The following DSCAM variants were observed in gnomAD, a reference collection of about 807,000 sequenced individuals.
DSCAM encodes the protein cell adhesion molecule DSCAM.
A neutral mutation model predicts 217.7 loss-of-function variants in DSCAM; 47 were observed. That is an observed-to-expected ratio of 0.22 (90% CI 0.17 to 0.28). DSCAM has a LOEUF of 0.28. Among genes scored for constraint, DSCAM ranks in the 10% least tolerant of loss-of-function variants. The pLI is 1.00. For synonymous variants in DSCAM, 1,056 were observed against 1,015.3 expected (o/e 1.04, Z -0.76); for missense variants, 2,080 against 2,618.3 (o/e 0.79, Z 4.49).
chr21:40,268,266 G>T (rs2123353311), intron 11 of DSCAM, among the ~76,000 whole-genome samples: 1 of 152,290 alleles, frequency 6.6e-6, no homozygotes, highest in South Asian at 2.1e-4. Context: ...AACAATTCTT[G>T]ACACTAGGGA....
At chr21:40,677,461 C>CTGT (rs1408098553) in intron 3 of DSCAM, among the ~76,000 whole-genome samples, 1 of 152,090 alleles carries the variant, frequency 6.6e-6, no homozygotes, top group Non-Finnish European at 1.5e-5. Flanking sequence ...AAGGCCTGGA[C>CTGT]TGTTGCAGCT....
At chr21:40,712,258 A>G (rs2090788043) in intron 1 of DSCAM, among the ~76,000 whole-genome samples, 1 of 152,178 alleles carries the variant, frequency 6.6e-6, no homozygotes, top group Non-Finnish European at 1.5e-5. Flanking sequence ...AAACATACTC[A>G]TGTAAGAATC....
At chr21:40,207,209 GGATA>G (rs1475745526) in intron 11 of DSCAM, among the ~76,000 whole-genome samples, 2 of 152,014 alleles carry the variant, frequency 1.3e-5, no homozygotes, top group Non-Finnish European at 2.9e-5. Flanking sequence ...AAGTGAAAAA[GGATA>G]GAGAATTCAT....
intron 1 of DSCAM, among the ~76,000 whole-genome samples, chr21:40,744,394 C>T (rs2091154382): frequency 6.6e-6 from 1 of 152,060 alleles, no homozygotes; most frequent in Non-Finnish European, 1.5e-5. Context: ...GAATCTCTGG[C>T]CAGACTTCCC....
At chr21:40,341,637 G>C (rs769831786) in intron 6 of DSCAM, among the ~76,000 whole-genome samples, 1 of 152,150 alleles carries the variant, frequency 6.6e-6, no homozygotes, top group African/African-American at 2.4e-5. Flanking sequence ...TTCCTCTTAG[G>C]ATGTGCTGGT....
chr21:40,276,537 T>C (rs1010061264), intron 10 of DSCAM, among the ~76,000 whole-genome samples: 3 of 152,130 alleles, frequency 2.0e-5, no homozygotes, highest in African/African-American at 4.8e-5. Context: ...AAAAGCCAAA[T>C]TTGATGAGTG....
At chr21:40,191,180 A>G (rs2090949179) in intron 11 of DSCAM, among the ~76,000 whole-genome samples, 2 of 152,228 alleles carry the variant, frequency 1.3e-5, no homozygotes, top group South Asian at 4.2e-4. Context: ...CTTACTAGAG[A>G]GGTTTGAGAC....
chr21:40,498,698 G>GGGTGT lies in DSCAM; in HGVS notation c.509-129454_509-129453insACACC, dbSNP rs1491058408. On this transcript the variant is annotated intron_variant, in intron 3 of 32. Transcript: ENST00000400454. ...ATATATATATATATATATATATATAGATATATATATATGGGTGTATATATA... is the reference window on the plus strand; with the variant it reads ...ATATATATATATATATATATATATAGGGTGTATATATATATATGGGTGTATATATA... Among the ~76,000 whole-genome samples, 4 of 9,288 alleles carry GGGTGT rather than the reference G, an allele frequency of 4.3e-4. 1 individual carries two copies. The highest frequency in any genetic ancestry group is 4.9e-3 in the South Asian group (1 of 206). 6.1% of individuals were successfully genotyped at this position (9,288 alleles called of 152,430 possible). A position where few individuals can be genotyped will look rare whatever the true frequency, so the allele number is the denominator to read the frequency against.
intron 3 of DSCAM, among the ~76,000 whole-genome samples, chr21:40,508,000 A>T (rs995814624): frequency 6.6e-6 from 1 of 152,148 alleles, no homozygotes. Context: ...TACCTGTGGA[A>T]AAATGGGTAC....
intron 3 of DSCAM, among the ~76,000 whole-genome samples, chr21:40,637,981 G>T (rs1169330692): frequency 1.3e-5 from 2 of 151,688 alleles, no homozygotes; most frequent in Non-Finnish European, 2.9e-5. Flanking sequence ...ACCATGCCCG[G>T]CCCCCATTTT....
chr21:40,047,746 ACTCC>A (rs2088865051), intron 30 of DSCAM, among the ~76,000 whole-genome samples: 1 of 151,996 alleles, frequency 6.6e-6, no homozygotes, highest in Non-Finnish European at 1.5e-5. Context: ...AGATCTGAAC[ACTCC>A]CTCATGTAAC....
intron 3 of DSCAM, among the ~76,000 whole-genome samples, chr21:40,572,417 T>G (rs2076815292): frequency 6.6e-6 from 1 of 152,094 alleles, no homozygotes; most frequent in South Asian, 2.1e-4. Flanking sequence ...GTAAAATACT[T>G]AAATACAATT....
In DSCAM at chr21:40,254,764, C is replaced by T. The variant is rs118164215; in HGVS notation, c.2356+21333G>A. ...CTCCCCCTATGGCGTTGATCCCAAG[C>T]GCTTTCCAGCAGGTTTCCAGCACAC... On this transcript the variant is annotated intron_variant, in intron 11 of 32. Transcript: ENST00000400454. Among the ~76,000 whole-genome samples, 57 of 152,232 alleles carry T rather than the reference C, an allele frequency of 3.7e-4. No individual in the cohort carries two copies. The East Asian group carries it at 3.9e-3, about 10-fold the overall frequency.
intron 1 of DSCAM, among the ~76,000 whole-genome samples, chr21:40,735,111 T>C (rs193120825): frequency 3.5e-4 from 54 of 152,360 alleles, no homozygotes; most frequent in South Asian, 1.0e-3. Context: ...CCTGTACATA[T>C]ATGTTATTTG....
At chr21:40,246,227 G>A (rs2073221982) in intron 11 of DSCAM, among the ~76,000 whole-genome samples, 2 of 151,444 alleles carry the variant, frequency 1.3e-5, no homozygotes, top group African/African-American at 4.9e-5. Context: ...GAAAGAAGCA[G>A]AAAAGAGGCT....
chr21:40,504,545 A>G (rs1488002151), intron 3 of DSCAM, among the ~76,000 whole-genome samples: 2 of 152,246 alleles, frequency 1.3e-5, no homozygotes, highest in Admixed American at 1.3e-4. Context: ...GCATGGCATG[A>G]CACTCGTTTT....
chr21:40,058,153 T>TGA (rs2089058080), intron 28 of DSCAM, among the ~76,000 whole-genome samples: 1 of 152,246 alleles, frequency 6.6e-6, no homozygotes, highest in South Asian at 2.1e-4. Flanking sequence ...ATTACAGGTG[T>TGA]GAGCCACTGC....
At chr21:40,446,601 A>G (rs967181027) in intron 3 of DSCAM, among the ~76,000 whole-genome samples, 1 of 152,142 alleles carries the variant, frequency 6.6e-6, no homozygotes, top group Non-Finnish European at 1.5e-5. Context: ...CAAAAAAGCA[A>G]ATGTGTTTAG....
intron 3 of DSCAM, among the ~76,000 whole-genome samples, chr21:40,442,396 A>G (rs1202534298): frequency 2.0e-5 from 3 of 151,440 alleles, no homozygotes; most frequent in Non-Finnish European, 4.4e-5. Flanking sequence ...ATATTTTTAA[A>G]TTTAATTTTT....
Sources: gnomAD v4.1 joint callset for allele counts (sites outside exome capture counted in the v4.1 genomes callset) on GRCh38, gnomAD v4.1.1 for gene constraint, MANE v1.5 for transcripts, NCBI Gene and HGNC (gene_info 2026-07-23, HGNC 2026-07-21) for gene names.